Variants in TCP11L1 observed in about 807,000 individuals in gnomAD.
TCP11L1 encodes t-complex 11 like 1, also known as T-complex protein 11-like protein 1.
In TCP11L1, 28 loss-of-function variants were observed where a neutral mutation model predicts 48.9. That is an observed-to-expected ratio of 0.57 (90% CI 0.42 to 0.78). The LOEUF (loss-of-function observed/expected upper bound fraction) is 0.78, where lower values mean the gene tolerates loss of function less well. Ranked by LOEUF, TCP11L1 falls within the 30% of genes least tolerant of loss-of-function variation. The pLI is 0.00. For missense variants in TCP11L1, 505 were observed against 613.4 expected (o/e 0.82, Z 1.87); for synonymous variants, 204 against 231.9 (o/e 0.88, Z 1.09).
intron 7 of TCP11L1, among the ~76,000 whole-genome samples, chr11:33,065,151 C>T (rs1370488984): frequency 6.6e-6 from 1 of 152,238 alleles, no homozygotes; most frequent in Non-Finnish European, 1.5e-5. Context: ...CGAGTGCTGG[C>T]TCTGCCAGCC....
intron 7 of TCP11L1, among the ~76,000 whole-genome samples, chr11:33,062,089 AAAAT>A (rs1166898422): frequency 2.0e-5 from 3 of 152,300 alleles, no homozygotes; most frequent in African/African-American, 4.8e-5. Flanking sequence ...TCAAAAAATA[AAAAT>A]AAATAAGTAA....
At chr11:33,049,628 C>A (rs1854099538) in intron 2 of TCP11L1, among the ~76,000 whole-genome samples, 1 of 152,144 alleles carries the variant, frequency 6.6e-6, no homozygotes, top group Non-Finnish European at 1.5e-5. Flanking sequence ...AGGTACTGTG[C>A]CTTGATGTGC....
chr11:33,047,360 A>G (rs547185542), intron 2 of TCP11L1, among the ~76,000 whole-genome samples: 1 of 152,348 alleles, frequency 6.6e-6, no homozygotes, highest in East Asian at 1.9e-4. Context: ...AAACAGAGTA[A>G]GGATCAGTCA....
Position 33,058,008 on chromosome 11 carries a change from A to T in TCP11L1, c.507A>T (p.Ala169=), listed in dbSNP as rs1478690439. 6.2e-7 allele frequency: 1 copy of T among 1,614,204 alleles called. No homozygotes were observed. The highest frequency in any genetic ancestry group is 1.1e-5 in the South Asian group (1 of 91,092). Residue 169 remains alanine, a synonymous_variant, in exon 5 of 10, where the codon GCA becomes GCT. Coordinates refer to ENST00000334274, the MANE Select transcript of TCP11L1 (RefSeq NM_018393.4). ...ATCTGGATCTGATAAAGCAGGAAGC[A>T]GAGAATGGGGCGCTAGACATTTCCA... The part of the protein sequence containing the change: ...VLDLDLIKQE[A]ENGALDISKL...
intron 6 of TCP11L1, among the ~76,000 whole-genome samples, chr11:33,060,025 A>T (rs540933300): frequency 8.5e-5 from 13 of 152,178 alleles, no homozygotes; most frequent in African/African-American, 3.1e-4. Context: ...AGGTTTTGGG[A>T]GATTTTTGAC....
intron 3 of TCP11L1, among the ~76,000 whole-genome samples, chr11:33,056,172 C>T (rs750925004): frequency 6.6e-6 from 1 of 152,034 alleles, no homozygotes; most frequent in East Asian, 1.9e-4. Context: ...TGCAGTGGTG[C>T]AGTCTCAGCT....
intron 2 of TCP11L1, among the ~76,000 whole-genome samples, chr11:33,051,917 A>C (rs962543589): frequency 2.0e-5 from 3 of 152,080 alleles, no homozygotes; most frequent in Non-Finnish European, 2.9e-5. Flanking sequence ...TTTCTTTTTC[A>C]AAATAGTTTT....
intron 2 of TCP11L1, among the ~76,000 whole-genome samples, chr11:33,045,785 G>T (rs1309383696): frequency 1.3e-5 from 2 of 152,186 alleles, no homozygotes; most frequent in Admixed American, 6.5e-5. Flanking sequence ...TAGTATGGAG[G>T]CTGCGAAGGC....
intron 3 of TCP11L1, among the ~76,000 whole-genome samples, chr11:33,055,611 G>A (rs941309984): frequency 2.0e-5 from 3 of 152,182 alleles, no homozygotes; most frequent in African/African-American, 4.8e-5. Context: ...TATTGTCACA[G>A]GCAGAGTATA....
Position 33,072,479 on chromosome 11 carries a change from C to G in TCP11L1, c.1333C>G (p.Arg445Gly). Residue 445 changes from arginine to glycine, a missense_variant, in exon 10 of 10, where the codon CGA (arginine) becomes GGA (glycine). This residue lies in a region of TCP11L1 where 335 missense variants were observed against 413.3 expected (regional missense o/e 0.81). Transcript: ENST00000334274. ...DDPIRRIMESRILTFLETYLA... is the reference protein window; with the variant it reads ...DDPIRRIMESGILTFLETYLA... ...CACTTTCTTTTTTGTCACAGAATCT[C>G]GAATCCTGACCTTCTTAGAAACCTA... 6.2e-7 allele frequency: 1 copy of G among 1,614,094 alleles called. No homozygotes were observed. Among genetic ancestry groups the G allele is most frequent in the Non-Finnish European group, 8.5e-7 (1 of 1,180,010 alleles).
chr11:33,055,658 AAGG>A (rs1430433204), intron 3 of TCP11L1, among the ~76,000 whole-genome samples: 1 of 152,206 alleles, frequency 6.6e-6, no homozygotes, highest in Non-Finnish European at 1.5e-5. Context: ...CTGTTAACAA[AAGG>A]AGGAGGAATG....
In TCP11L1 at chr11:33,042,484, T is replaced by G. The variant is rs75865840; in HGVS notation, c.-24-1266T>G. Among the ~76,000 whole-genome samples, 664 of 151,626 alleles carry G rather than the reference T, an allele frequency of 4.4e-3. 5 individuals are homozygous for G. Among genetic ancestry groups the G allele is most frequent in the African/African-American group, 0.015 (635 of 41,320 alleles). On this transcript the variant is annotated intron_variant, in intron 1 of 9. Transcript: ENST00000334274. ...AACTGCTCCAAAGCACAGTGTCAAG[T>G]GTTATTGCTATTCTGATCAGCAACT...
At chr11:33,042,848 A>C (rs1371623768) in intron 1 of TCP11L1, among the ~76,000 whole-genome samples, 1 of 151,988 alleles carries the variant, frequency 6.6e-6, no homozygotes, top group Admixed American at 6.6e-5. Context: ...CAGGTGGATC[A>C]TGAGGTCAGG....
rs775738053 is a variant in TCP11L1, at chr11:33,068,877, A to T, written c.1327+18A>T. The T allele has an allele frequency of 3.2e-5, 52 of 1,606,102 alleles. No individual in the cohort carries two copies. Among genetic ancestry groups the T allele is most frequent in the Middle Eastern group, 1.7e-4 (1 of 5,786 alleles). On this transcript the variant is annotated intron_variant, in intron 9 of 9. Coordinates refer to ENST00000334274, the MANE Select transcript of TCP11L1 (RefSeq NM_018393.4). ...GATCATGGGTACGTTTGGGGAAGGC[A>T]GGCAGCAGGGATGTGCCCTCTGAGG...
In TCP11L1 at chr11:33,058,050, TA is replaced by T. The variant is rs761203847; in HGVS notation, c.550del (p.Ile184LeufsTer3). The T allele has an allele frequency of 6.2e-7, 1 of 1,614,116 alleles. No individual in the cohort carries two copies. Among genetic ancestry groups the T allele is most frequent in the Non-Finnish European group, 8.5e-7 (1 of 1,180,016 alleles). On this transcript the variant is annotated frameshift_variant, in exon 5 of 10. Transcript: ENST00000334274. LOFTEE classifies it high-confidence loss of function. ...LDISKLAEFI[I>X]GMMGTLCAPA... ...ACATTTCCAAGCTGGCAGAATTCAT[TA>T]TTGGCATGATGGGGACACTGTGTGC...
At chr11:33,045,479 G>A (rs114939268) in intron 2 of TCP11L1, among the ~76,000 whole-genome samples, 3,258 of 151,992 alleles carry the variant, frequency 0.021, 99 homozygotes, top group African/African-American at 0.074. Flanking sequence ...TTGTGTCACC[G>A]CACTCCAGCC....
intron 6 of TCP11L1, among the ~76,000 whole-genome samples, chr11:33,059,570 A>G (rs895322447): frequency 4.6e-5 from 7 of 152,246 alleles, no homozygotes; most frequent in African/African-American, 1.7e-4. Flanking sequence ...CGATGACTGC[A>G]GAAAACAGAC....
chr11:33,058,262 G>A, intron 5 of TCP11L1, 123 bp downstream of exon 5: 1 of 935,536 alleles, frequency 1.1e-6, no homozygotes, highest in Non-Finnish European at 1.5e-6. Flanking sequence ...GCAATGGCGT[G>A]ATCTTGGTTC....
At chr11:33,066,360 G>A (rs1374060497) in intron 8 of TCP11L1, among the ~76,000 whole-genome samples, 1 of 152,126 alleles carries the variant, frequency 6.6e-6, no homozygotes, top group Admixed American at 6.6e-5. Context: ...AAGCAAGAGG[G>A]GGAACGTAAT....
Sources: allele counts gnomAD v4.1 joint callset (sites outside exome capture counted in the v4.1 genomes callset), GRCh38; gene constraint gnomAD v4.1.1; regional missense constraint gnomAD v4.1.1; transcripts MANE v1.5; gene names NCBI Gene and HGNC (gene_info 2026-07-23, HGNC 2026-07-21).